Variants in TSPAN9 observed in about 807,000 individuals in gnomAD.
TSPAN9 encodes the protein tetraspanin-9.
In TSPAN9, 16 loss-of-function variants were observed where a neutral mutation model predicts 31.0. The ratio of observed to expected loss-of-function variants is 0.52; its 90% CI spans 0.35 to 0.78. The LOEUF (loss-of-function observed/expected upper bound fraction) is 0.78, where lower values mean the gene tolerates loss of function less well. Among genes scored for constraint, TSPAN9 ranks in the 30% least tolerant of loss-of-function variants. The pLI, the probability that TSPAN9 is intolerant of heterozygous loss-of-function variation, is 0.01. For missense variants in TSPAN9, 272 were observed against 312.5 expected (o/e 0.87, Z 0.98); for synonymous variants, 145 against 121.6 (o/e 1.19, Z -1.27).
chr12:3,123,049 C>A (rs1273339999), intron 2 of TSPAN9, among the ~76,000 whole-genome samples: 1 of 152,162 alleles, frequency 6.6e-6, no homozygotes, highest in Middle Eastern at 3.2e-3. Flanking sequence ...GGCGGCCCCA[C>A]AGGGAGCCCT....
At chr12:3,211,924 G>A (rs61907326) in intron 3 of TSPAN9, 706,825 of 1,370,600 alleles carry the variant, frequency 0.52, 170,825 homozygotes, top group Admixed American at 0.62. Context: ...GCATGTTCTC[G>A]TGTGCGTAGG....
chr12:3,249,673 G>A (rs1388981887), intron 3 of TSPAN9, among the ~76,000 whole-genome samples: 3 of 152,190 alleles, frequency 2.0e-5, no homozygotes. Flanking sequence ...GCTGTCTTAG[G>A]GCTTCACATA....
chr12:3,123,912 G>A (rs2098326229), intron 2 of TSPAN9, among the ~76,000 whole-genome samples: 1 of 152,194 alleles, frequency 6.6e-6, no homozygotes, highest in Admixed American at 6.5e-5. Context: ...TGAAGGATGA[G>A]AGGTTTAAAA....
At chr12:3,263,022 G>T (rs1417457498) in intron 3 of TSPAN9, among the ~76,000 whole-genome samples, 2 of 152,214 alleles carry the variant, frequency 1.3e-5, no homozygotes, top group African/African-American at 2.4e-5. Flanking sequence ...CCCAGCTCAC[G>T]TGACACTTGG....
rs566436443 is a variant in TSPAN9 at position 3,278,155 on chromosome 12, A to G, written c.64-266A>G. Among the ~76,000 whole-genome samples the G allele has an allele frequency of 2.0e-5, 3 of 152,244 alleles. No homozygotes were observed. The South Asian group carries it at 6.2e-4, about 32-fold the overall frequency. On this transcript the variant is annotated intron_variant, in intron 3 of 8. Coordinates refer to ENST00000011898, the MANE Select transcript of TSPAN9 (RefSeq NM_006675.5). ...CTTTTGCCTCTGTGTGGTTTAATCC[A>G]TCCTCAGAATGACCTGGGAGGCTCT... is the stretch of plus-strand genomic sequence containing the variant.
At chr12:3,198,523 C>T (rs868146573) in intron 2 of TSPAN9, among the ~76,000 whole-genome samples, 140 of 114,586 alleles carry the variant, frequency 1.2e-3, no homozygotes, top group Non-Finnish European at 2.0e-3. Flanking sequence ...ACAGGTCACA[C>T]CAGCACAGGC....
chr12:3,141,658 C>T (rs2098334915), intron 2 of TSPAN9, among the ~76,000 whole-genome samples: 1 of 152,138 alleles, frequency 6.6e-6, no homozygotes, highest in African/African-American at 2.4e-5. Flanking sequence ...CTCTCCAAGT[C>T]CTAGATGGTG....
At chr12:3,275,229 C>T (rs535327085) in intron 3 of TSPAN9, among the ~76,000 whole-genome samples, 3 of 152,288 alleles carry the variant, frequency 2.0e-5, no homozygotes, top group South Asian at 4.2e-4. Context: ...AGAGAGGGCT[C>T]GGAAGGGGCC....
At chr12:3,118,276 T>TTTTTC in intron 2 of TSPAN9, among the ~76,000 whole-genome samples, 1 of 123,546 alleles carries the variant, frequency 8.1e-6, no homozygotes, top group African/African-American at 3.3e-5. Flanking sequence ...TTTTTTTTTT[T>TTTTTC]TTTTGAGATG....
At chr12:3,274,110 C>T (rs1299113220) in intron 3 of TSPAN9, among the ~76,000 whole-genome samples, 3 of 152,204 alleles carry the variant, frequency 2.0e-5, no homozygotes, top group African/African-American at 4.8e-5. Context: ...GTGGACTGTC[C>T]TGTGCACTGC....
intron 2 of TSPAN9, among the ~76,000 whole-genome samples, chr12:3,158,819 T>C (rs1469630047): frequency 6.6e-6 from 1 of 151,584 alleles, no homozygotes; most frequent in East Asian, 1.9e-4. Flanking sequence ...GTGCTTTTGA[T>C]CACTTAGCCT....
chr12:3,234,434 G>A (rs1178106459), intron 3 of TSPAN9, among the ~76,000 whole-genome samples: 2 of 152,062 alleles, frequency 1.3e-5, no homozygotes, highest in East Asian at 1.9e-4. Context: ...CCTCTGCTCC[G>A]GCCACCCTGC....
intron 2 of TSPAN9, among the ~76,000 whole-genome samples, chr12:3,132,362 G>A (rs1013983694): frequency 1.3e-5 from 2 of 152,020 alleles, no homozygotes; most frequent in Admixed American, 6.6e-5. Flanking sequence ...TTCCACAGCG[G>A]CTGTACCACT....
At chr12:3,230,178 C>T (rs2098389917) in intron 3 of TSPAN9, among the ~76,000 whole-genome samples, 1 of 152,208 alleles carries the variant, frequency 6.6e-6, no homozygotes, top group Non-Finnish European at 1.5e-5. Context: ...CCAGGATTGC[C>T]CAGAGCCTAT....
chr12:3,203,165 T>C (rs950266545), intron 3 of TSPAN9, among the ~76,000 whole-genome samples: 2 of 144,760 alleles, frequency 1.4e-5, no homozygotes, highest in East Asian at 4.6e-4. Context: ...CCCTGCCACC[T>C]GCTGGCCGGA....
At chr12:3,193,919 C>T (rs7969363) in intron 2 of TSPAN9, among the ~76,000 whole-genome samples, 57,672 of 152,128 alleles carry the variant, frequency 0.38, 11,618 homozygotes, top group African/African-American at 0.52. Context: ...AGTGAGACAG[C>T]TGACCGCATG....
intron 3 of TSPAN9, among the ~76,000 whole-genome samples, chr12:3,218,064 G>A (rs2098382276): frequency 6.6e-6 from 1 of 152,168 alleles, no homozygotes; most frequent in Non-Finnish European, 1.5e-5. Context: ...ACCCTCTGGG[G>A]TGGCATAGCC....
chr12:3,239,565 G>A (rs958306612), intron 3 of TSPAN9, among the ~76,000 whole-genome samples: 3 of 152,232 alleles, frequency 2.0e-5, no homozygotes, highest in African/African-American at 7.2e-5. Context: ...AGCAAACGAG[G>A]TCAGAGAGAG....
chr12:3,143,384 G>A lies in TSPAN9; in HGVS notation c.-17-57793G>A, dbSNP rs548497477. On this transcript the variant is annotated intron_variant, in intron 2 of 8. Coordinates refer to ENST00000011898, the MANE Select transcript of TSPAN9 (RefSeq NM_006675.5). The surrounding 1 kb of genome is among the most constrained non-coding windows in gnomAD (Gnocchi z 4.2). Reference sequence around the variant, plus strand: ...CTCAAACCTTTGCTCACTAATTTTAGCATCCATCAGGGGTTTTTGCTTGCA... The same window carrying A: ...CTCAAACCTTTGCTCACTAATTTTAACATCCATCAGGGGTTTTTGCTTGCA... Among the ~76,000 whole-genome samples the A allele has an allele frequency of 6.6e-6, 1 of 150,862 alleles. No individual in the cohort carries two copies. The highest frequency in any genetic ancestry group is 2.1e-4 in the South Asian group (1 of 4,790).
Sources: allele counts gnomAD v4.1 joint callset (sites outside exome capture counted in the v4.1 genomes callset), GRCh38; gene constraint gnomAD v4.1.1; non-coding constraint Gnocchi (gnomAD v3.1); transcripts MANE v1.5; gene names NCBI Gene and HGNC (gene_info 2026-07-23, HGNC 2026-07-21).